Variants in AGPAT3 observed in about 807,000 individuals in gnomAD.
The protein encoded by AGPAT3 is 1-acylglycerol-3-phosphate O-acyltransferase 3.
In AGPAT3, 5 loss-of-function variants were observed where a neutral mutation model predicts 47.3. The observed-to-expected ratio is 0.11, with a 90% confidence interval of 0.06 to 0.22. The LOEUF (loss-of-function observed/expected upper bound fraction) is 0.22. Among genes scored for constraint, AGPAT3 ranks in the 10% least tolerant of loss-of-function variants. The pLI is 1.00. For missense variants in AGPAT3, 315 were observed against 493.0 expected, an observed-to-expected ratio of 0.64 and a Z score of 3.42; for synonymous variants, 212 against 208.3, an observed-to-expected ratio of 1.02 and a Z score of -0.15.
At chr21:43,969,363 C>G in intron 5 of AGPAT3, 84 bp downstream of exon 5, 1 of 1,552,964 alleles carries the variant, frequency 6.4e-7, no homozygotes, top group Non-Finnish European at 8.8e-7. Context: ...ACATCCCAGG[C>G]TGGGAAACCC....
At position 43,983,348 on chromosome 21, in the gene AGPAT3, A is replaced by G. The variant is rs1601495561; in HGVS notation, c.*956A>G. 6.6e-6 allele frequency: 1 copy of G among 152,166 alleles called. No individual in the cohort carries two copies. Among genetic ancestry groups the G allele is most frequent in the Non-Finnish European group, 1.5e-5 (1 of 68,008 alleles). The allele number at this position is 152,166 out of a possible 1,614,324, so 9.4% of individuals were successfully genotyped here. On this transcript the variant is annotated 3_prime_UTR_variant, in exon 10 of 10. Transcript: ENST00000291572. ...TTTTTAAAGGTGGTTGGAGACTGTT[A>G]ACACTGAGCTCATTGACTTCTAGAG... is the stretch of plus-strand genomic sequence containing the variant.
intron 2 of AGPAT3, among the ~76,000 whole-genome samples, chr21:43,941,699 C>T (rs975028895): frequency 2.6e-5 from 4 of 152,230 alleles, no homozygotes; most frequent in Admixed American, 6.5e-5. Flanking sequence ...GGGGCTACCG[C>T]GAGTGTGACG....
At chr21:43,973,164 C>T (rs913061024) in intron 7 of AGPAT3, among the ~76,000 whole-genome samples, 4 of 152,250 alleles carry the variant, frequency 2.6e-5, no homozygotes, top group African/African-American at 4.8e-5. Context: ...TGATTAGAGG[C>T]GGAGGCGTTC....
chr21:43,937,600 G>C (rs1348765210), intron 2 of AGPAT3, among the ~76,000 whole-genome samples: 1 of 152,144 alleles, frequency 6.6e-6, no homozygotes, highest in Non-Finnish European at 1.5e-5. Context: ...GTCTCCCTCT[G>C]TCACTAAGGC....
chr21:43,867,395 G>A (rs970622108), intron 1 of AGPAT3: 1 of 152,330 alleles, frequency 6.6e-6, no homozygotes, highest in African/African-American at 2.4e-5. Context: ...GGGAAGATCA[G>A]AATGTGTGTT....
In AGPAT3 at chr21:43,939,082, C is replaced by T. The variant is rs2087554018; in HGVS notation, c.-48-20552C>T. On this transcript the variant is annotated intron_variant, in intron 2 of 9. Transcript: ENST00000291572. The surrounding 1 kb of genome is among the most constrained non-coding windows in gnomAD (Gnocchi z 4.4). The stretch of plus-strand genomic sequence containing the variant: ...ACCAGGGCTGGGACGGGGCTGCGAC[C>T]AGGCTAGGGGAGCATCCTGGGCAAA... Among the ~76,000 whole-genome samples the T allele has an allele frequency of 6.6e-6, 1 of 152,218 alleles. No homozygotes were observed. Among genetic ancestry groups the T allele is most frequent in the Non-Finnish European group, 1.5e-5 (1 of 68,024 alleles).
At position 43,955,064 on chromosome 21, in the gene AGPAT3, G is replaced by C; in HGVS notation, c.-48-4570G>C. The C allele has an allele frequency of 1.6e-6, 2 of 1,239,902 alleles. No homozygotes were observed. Among genetic ancestry groups the C allele is most frequent in the South Asian group, 1.3e-5 (1 of 75,736 alleles). 76.8% of individuals were successfully genotyped at this position (1,239,902 alleles called of 1,614,324 possible). On this transcript the variant is annotated intron_variant, in intron 2 of 9. Coordinates refer to ENST00000291572, the MANE Select transcript of AGPAT3 (RefSeq NM_020132.5). This position sits in a 1 kb window ranked among gnomAD's most constrained non-coding sequence, Gnocchi z 4.1. The stretch of plus-strand genomic sequence containing the variant: ...ACGGCTCTATCTGTGGCCCCCAAAG[G>C]CTGGGTGCCAGCTGCCTGTCGGCAG...
intron 2 of AGPAT3, among the ~76,000 whole-genome samples, chr21:43,909,351 G>A (rs563514589): frequency 7.3e-5 from 11 of 151,194 alleles, no homozygotes; most frequent in African/African-American, 2.2e-4. Flanking sequence ...GCCGGAGTGT[G>A]GTGGCGTGAT....
rs540188187 is a variant in AGPAT3, at chr21:43,955,089, G to A, written c.-48-4545G>A. 2.2e-5 allele frequency: 27 copies of A among 1,253,206 alleles called. No homozygotes were observed. The African/African-American group carries it at 4.0e-4, about 19-fold the overall frequency. The allele number at this position is 1,253,206 out of a possible 1,614,324, so 77.6% of individuals were successfully genotyped here. Reference sequence around the variant, plus strand: ...GCTGGGTGCCAGCTGCCTGTCGGCAGGGAGCGTATCACCGTGGCACGTCCA... The same window carrying A: ...GCTGGGTGCCAGCTGCCTGTCGGCAAGGAGCGTATCACCGTGGCACGTCCA... On this transcript the variant is annotated intron_variant, in intron 2 of 9. Transcript: ENST00000291572. This position sits in a 1 kb window ranked among gnomAD's most constrained non-coding sequence, Gnocchi z 4.1.
At chr21:43,948,538 G>T (rs530691521) in intron 2 of AGPAT3, among the ~76,000 whole-genome samples, 1 of 152,280 alleles carries the variant, frequency 6.6e-6, no homozygotes, top group South Asian at 2.1e-4. Context: ...CATAATAGCA[G>T]GAGGTTCTGT....
chr21:43,929,581 C>T (rs768589937), intron 2 of AGPAT3, among the ~76,000 whole-genome samples: 6 of 152,252 alleles, frequency 3.9e-5, no homozygotes, highest in Non-Finnish European at 5.9e-5. Context: ...CCACCTCCCC[C>T]GGTCGCCGCT....
rs779097859 is a variant in AGPAT3 at position 43,982,608 on chromosome 21, C to A, written c.*216C>A. The stretch of plus-strand genomic sequence containing the variant: ...CGCAGGGTCCCAGCATCTCCACGCG[C>A]GCCCGTGGGAGGTGGGTCCGGCCGG... On this transcript the variant is annotated 3_prime_UTR_variant, in exon 10 of 10. Transcript: ENST00000291572. The surrounding 1 kb of genome is among the most constrained non-coding windows in gnomAD (Gnocchi z 6.2). The A allele has an allele frequency of 7.4e-6, 3 of 407,908 alleles. No homozygotes were observed. The highest frequency in any genetic ancestry group is 1.3e-5 in the Non-Finnish European group (3 of 227,724). The allele number at this position is 407,908 out of a possible 1,614,324, so 25.3% of individuals were successfully genotyped here.
rs2087390408 is a variant in AGPAT3, at chr21:43,934,996, C to T, written c.-48-24638C>T. On this transcript the variant is annotated intron_variant, in intron 2 of 9. Transcript: ENST00000291572. This position sits in a 1 kb window ranked among gnomAD's most constrained non-coding sequence, Gnocchi z 4.7. Reference sequence around the variant, plus strand: ...CACGCCACCACGCCACTTACGCCACCCACGCTACTACCCATGCCACCCATG... The same window carrying T: ...CACGCCACCACGCCACTTACGCCACTCACGCTACTACCCATGCCACCCATG... Among the ~76,000 whole-genome samples the T allele has an allele frequency of 6.6e-6, 1 of 151,646 alleles. No homozygotes were observed. Among genetic ancestry groups the T allele is most frequent in the Non-Finnish European group, 1.5e-5 (1 of 67,872 alleles).
At chr21:43,979,308 AAAAAAAAAGAAAG>A (rs1396814174) in intron 8 of AGPAT3, among the ~76,000 whole-genome samples, 41 of 146,600 alleles carry the variant, frequency 2.8e-4, no homozygotes, top group African/African-American at 1.0e-3. Flanking sequence ...CAAAAAAAAA[AAAAAAAAAGAAAG>A]AAAAAAAAAG....
chr21:43,970,555 C>A lies in AGPAT3; in HGVS notation c.511-98C>A. ...GGTTCCAAGATTTCCACAAATTCAG[C>A]CACAACCTTTGCTGCCTGTCAGAGA... On this transcript the variant is annotated intron_variant, in intron 5 of 9. Coordinates refer to ENST00000291572, the MANE Select transcript of AGPAT3 (RefSeq NM_020132.5). The surrounding 1 kb of genome is among the most constrained non-coding windows in gnomAD (Gnocchi z 5.8). The A allele has an allele frequency of 7.4e-7, 1 of 1,354,258 alleles. No individual in the cohort carries two copies. Among genetic ancestry groups the A allele is most frequent in the Non-Finnish European group, 1.0e-6 (1 of 984,674 alleles). 83.9% of individuals were successfully genotyped at this position (1,354,258 alleles called of 1,614,324 possible).
chr21:43,967,252 T>C (rs1341414451), intron 3 of AGPAT3: 1 of 152,396 alleles, frequency 6.6e-6, no homozygotes, highest in Non-Finnish European at 1.5e-5. Flanking sequence ...CAAGAACCCC[T>C]GGGTGGGGGG....
chr21:43,945,516 C>T (rs933586865), intron 2 of AGPAT3, among the ~76,000 whole-genome samples: 10 of 152,170 alleles, frequency 6.6e-5, no homozygotes, highest in African/African-American at 1.4e-4. Context: ...TAATGGTAGA[C>T]GATGGCCGAG....
At chr21:43,885,413 G>A (rs2085953801) in intron 1 of AGPAT3, among the ~76,000 whole-genome samples, 2 of 142,486 alleles carry the variant, frequency 1.4e-5, no homozygotes, top group African/African-American at 5.3e-5. Context: ...TTTTGAGACA[G>A]AGTCTTGCTC....
At chr21:43,898,555 C>G (rs998467960) in intron 1 of AGPAT3, among the ~76,000 whole-genome samples, 1 of 152,188 alleles carries the variant, frequency 6.6e-6, no homozygotes, top group African/African-American at 2.4e-5. Context: ...AAGACGGAGT[C>G]TTGCTCTGTC....
Sources: gnomAD v4.1 joint callset for allele counts (sites outside exome capture counted in the v4.1 genomes callset) on GRCh38, gnomAD v4.1.1 for gene constraint, Gnocchi (gnomAD v3.1) non-coding constraint, MANE v1.5 for transcripts, NCBI Gene and HGNC (gene_info 2026-07-23, HGNC 2026-07-21) for gene names.